The following IL4R variants were observed in gnomAD, a reference collection of about 807,000 sequenced individuals.
IL4R encodes the protein interleukin-4 receptor subunit alpha.
A neutral mutation model predicts 41.5 loss-of-function variants in IL4R; 17 were observed. The ratio of observed to expected loss-of-function variants is 0.41; its 90% CI spans 0.28 to 0.61. The LOEUF (loss-of-function observed/expected upper bound fraction) is 0.61, where lower values mean the gene tolerates loss of function less well. Ranked by LOEUF, IL4R falls within the 20% of genes least tolerant of loss-of-function variation. The pLI is 0.31. For missense variants in IL4R, 974 were observed against 1,043.1 expected (o/e 0.93, Z 0.91); for synonymous variants, 402 against 422.9 (o/e 0.95, Z 0.61).
At position 27,340,284 on chromosome 16, in the gene IL4R, A is replaced by G. The variant is rs1156358138; in HGVS notation, c.70+11A>G. ...AGGTGGCAAGCTCTGGTAAGTCACC[A>G]CTTCTCAATCATTCATTTGTTGGCT... On this transcript the variant is annotated intron_variant, in intron 3 of 10. Transcript: ENST00000395762. The G allele has an allele frequency of 6.2e-7, 1 of 1,607,136 alleles. No homozygotes were observed.
chr16:27,329,629 A>G (rs1475959048), intron 1 of IL4R, among the ~76,000 whole-genome samples: 1 of 150,926 alleles, frequency 6.6e-6, no homozygotes, highest in Non-Finnish European at 1.5e-5. Flanking sequence ...GTGAGCCGAC[A>G]TCACGCCACT....
At chr16:27,361,052 A>G (rs2086266048) in intron 10 of IL4R, 10 of 1,411,964 alleles carry the variant, frequency 7.1e-6, no homozygotes, top group Admixed American at 2.9e-5. Flanking sequence ...GAGTGCTGTT[A>G]TAGTTAACAA....
chr16:27,343,450 G>C (rs2085509308), intron 4 of IL4R, among the ~76,000 whole-genome samples: 2 of 152,280 alleles, frequency 1.3e-5, no homozygotes, highest in Admixed American at 1.3e-4. Context: ...CTTTGAGACA[G>C]AGTTTCGCTC....
In IL4R at chr16:27,340,269, C is replaced by A; in HGVS notation, c.66C>A (p.Ser22Arg). 6.2e-7 allele frequency: 1 copy of A among 1,613,400 alleles called. No homozygotes were observed. Among genetic ancestry groups the A allele is most frequent in the Non-Finnish European group, 8.5e-7 (1 of 1,179,388 alleles). Residue 22 changes from serine (S) to arginine (R), a missense_variant, in exon 3 of 11, where the codon AGC becomes AGA. By Grantham distance (110) the Ser-to-Arg change is moderately radical. This residue lies in a region of IL4R where 284 missense variants were observed against 313.4 expected (regional missense o/e 0.91). Transcript: ENST00000395762. Reference sequence around the variant, plus strand: ...GCCTGGTCCTGCTGCAGGTGGCAAGCTCTGGTAAGTCACCACTTCTCAATC... The same window carrying A: ...GCCTGGTCCTGCTGCAGGTGGCAAGATCTGGTAAGTCACCACTTCTCAATC... ...VSCLVLLQVA[S>R]SGNMKVLQEP... is the part of the protein sequence containing the mutation.
intron 6 of IL4R, among the ~76,000 whole-genome samples, chr16:27,351,511 T>TC (rs760742359): frequency 0.41 from 10,436 of 25,634 alleles, 535 homozygotes; most frequent in African/African-American, 0.51. Flanking sequence ...TCTCTCTCTC[T>TC]TTTTTTTTTT....
Position 27,363,977 on chromosome 16 carries a change from G to A in IL4R, c.*147G>A, listed in dbSNP as rs1375628589. 5 of 954,944 alleles carry A rather than the reference G, an allele frequency of 5.2e-6. No homozygotes were observed. Among genetic ancestry groups the A allele is most frequent in the East Asian group, 4.9e-5 (2 of 41,164 alleles). 59.2% of individuals were successfully genotyped at this position (954,944 alleles called of 1,614,324 possible). A position where few individuals can be genotyped will look rare whatever the true frequency, so the allele number is the denominator to read the frequency against. On this transcript the variant is annotated 3_prime_UTR_variant, in exon 11 of 11. Coordinates refer to ENST00000395762, the MANE Select transcript of IL4R (RefSeq NM_000418.4). ...TATGAAGGTGATTGGCCCCACTGAC[G>A]TTGGCCTAACACTGGGCTGCAGAGA... is the stretch of plus-strand genomic sequence containing the variant.
Position 27,362,430 on chromosome 16 carries a change from C to T in IL4R, c.1078C>T (p.Arg360Ter), listed in dbSNP as rs778127963. Reference protein sequence around the residue: ...VLWPESISVVRCVELFEAPVE... With the variant: ...VLWPESISVV ...CTGGCCAGAGAGCATCAGCGTGGTG[C>T]GATGTGTGGAGTTGTTTGAGGCCCC... is the stretch of plus-strand genomic sequence containing the variant. The change falls in exon 11 of 11, where the codon CGA becomes TGA. Residue 360 changes from arginine to a stop codon, truncating the protein, a stop_gained. Transcript: ENST00000395762. LOFTEE classifies it low-confidence loss of function (END_TRUNC). 2 of 1,613,828 alleles carry T rather than the reference C, an allele frequency of 1.2e-6. No individual in the cohort carries two copies. Among genetic ancestry groups the T allele is most frequent in the Non-Finnish European group, 1.7e-6 (2 of 1,179,964 alleles).
intron 6 of IL4R, among the ~76,000 whole-genome samples, chr16:27,351,243 T>A (rs536802737): frequency 6.6e-6 from 1 of 152,280 alleles, no homozygotes; most frequent in East Asian, 1.9e-4. Flanking sequence ...TAACCCTGAA[T>A]TCCTTCCCAT....
intron 1 of IL4R, among the ~76,000 whole-genome samples, chr16:27,326,582 C>G (rs1029667019): frequency 3.3e-5 from 5 of 152,166 alleles, no homozygotes; most frequent in African/African-American, 1.2e-4. Context: ...AGGAGGATCA[C>G]TTGAGCCCAG....
chr16:27,362,162 G>A, intron 10 of IL4R, 90 bp from the exon 11 acceptor site: 1 of 1,260,678 alleles, frequency 7.9e-7, no homozygotes. Flanking sequence ...ACAGCCATCA[G>A]GACATGGTGA....
intron 1 of IL4R, among the ~76,000 whole-genome samples, chr16:27,320,833 C>G (rs1277568299): frequency 6.6e-6 from 1 of 152,226 alleles, no homozygotes; most frequent in Non-Finnish European, 1.5e-5. Context: ...GGGCCACAGC[C>G]TCCCGACGGT....
intron 1 of IL4R, among the ~76,000 whole-genome samples, chr16:27,321,741 C>G (rs2084817881): frequency 6.6e-6 from 1 of 152,200 alleles, no homozygotes; most frequent in Non-Finnish European, 1.5e-5. Flanking sequence ...GCTTTGGTTT[C>G]TTTCCACAAC....
chr16:27,317,929 A>C (rs1841536328), intron 1 of IL4R, among the ~76,000 whole-genome samples: 1 of 152,106 alleles, frequency 6.6e-6, no homozygotes, highest in Admixed American at 6.6e-5. Context: ...TTCCTCCTGC[A>C]TTTCTTCCTC....
At chr16:27,354,066 T>A (rs1056406528) in intron 7 of IL4R, 1 of 152,184 alleles carries the variant, frequency 6.6e-6, no homozygotes, top group African/African-American at 2.4e-5. Context: ...TCAAATTCTA[T>A]TGGTGAAAAT....
intron 2 of IL4R, among the ~76,000 whole-genome samples, chr16:27,333,436 C>T (rs1368420595): frequency 3.3e-5 from 5 of 152,020 alleles, no homozygotes; most frequent in African/African-American, 1.2e-4. Flanking sequence ...CTGGAATCCA[C>T]GGTGGGCTCG....
intron 6 of IL4R, 142 bp downstream of exon 6, chr16:27,346,760 T>C: frequency 1.1e-6 from 1 of 884,506 alleles, no homozygotes; most frequent in Non-Finnish European, 1.8e-6. Flanking sequence ...GAGACCTGGC[T>C]TCTCACCTGG....
intron 7 of IL4R, 116 bp downstream of exon 7, chr16:27,352,812 C>T: frequency 1.9e-6 from 2 of 1,034,486 alleles, no homozygotes; most frequent in Non-Finnish European, 2.9e-6. Flanking sequence ...CCTCTAATGG[C>T]AATCCTGCCA....
chr16:27,328,162 G>A (rs1227521386), intron 1 of IL4R, among the ~76,000 whole-genome samples: 10 of 135,200 alleles, frequency 7.4e-5, no homozygotes, highest in South Asian at 2.4e-4. Flanking sequence ...AGCTGATATC[G>A]TGCCACTGCA....
Position 27,363,937 on chromosome 16 carries a change from C to A in IL4R, c.*107C>A. Reference sequence around the variant, plus strand: ...GCCAGGCTGGCAGATTTCCAAAAGACTTGAAGAACCATGGTATGAAGGTGA... The same window carrying A: ...GCCAGGCTGGCAGATTTCCAAAAGAATTGAAGAACCATGGTATGAAGGTGA... On this transcript the variant is annotated 3_prime_UTR_variant, in exon 11 of 11. Coordinates refer to ENST00000395762, the MANE Select transcript of IL4R (RefSeq NM_000418.4). The A allele has an allele frequency of 7.6e-7, 1 of 1,314,472 alleles. No homozygotes were observed. The highest frequency in any genetic ancestry group is 1.4e-5 in the South Asian group (1 of 71,618). 81.4% of individuals were successfully genotyped at this position (1,314,472 alleles called of 1,614,324 possible).
Sources: gnomAD v4.1 joint callset for allele counts (sites outside exome capture counted in the v4.1 genomes callset) on GRCh38, gnomAD v4.1.1 for gene constraint, gnomAD v4.1.1 regional missense constraint, MANE v1.5 for transcripts, NCBI Gene and HGNC (gene_info 2026-07-23, HGNC 2026-07-21) for gene names.